FLT1: variants seen among roughly 807,000 people sequenced by gnomAD.
FLT1 encodes vascular endothelial growth factor receptor 1.
In FLT1, 49 loss-of-function variants were observed where a neutral mutation model predicts 156.3. The observed-to-expected ratio is 0.31, with a 90% CI of 0.25 to 0.40. The LOEUF is 0.40. Ranked by LOEUF, FLT1 falls within the 10% of genes least tolerant of loss-of-function variation. The pLI, the probability that FLT1 is intolerant of heterozygous loss-of-function variation, is 1.00. For missense variants in FLT1, 1,322 were observed against 1,637.2 expected (o/e 0.81, Z 3.32); for synonymous variants, 594 against 583.8 (o/e 1.02, Z -0.25).
In FLT1 at chr13:28,426,130, C is replaced by CTTTTTTTTT. The variant is rs113958200; in HGVS notation, c.1436+1020_1436+1028dup. 1.8e-4 allele frequency among the ~76,000 whole-genome samples: 24 copies of CTTTTTTTTT among 131,122 alleles called. 1 individual carries two copies. The highest frequency in any genetic ancestry group is 6.2e-4 in the African/African-American group (22 of 35,454). 86.0% of individuals were successfully genotyped at this position (131,122 alleles called of 152,430 possible). On this transcript the variant is annotated intron_variant, in intron 10 of 29. Transcript: ENST00000282397. ...TGCTTTGTTTACTTTTCCTGTCAATCTTTTTTTTTTTTTTTTTTTGAATAA... is the reference window on the plus strand; with the variant it reads ...TGCTTTGTTTACTTTTCCTGTCAATCTTTTTTTTTTTTTTTTTTTTTTTTTTTTGAATAA...
At chr13:28,465,094 A>T (rs1322080251) in intron 3 of FLT1, among the ~76,000 whole-genome samples, 1 of 152,182 alleles carries the variant, frequency 6.6e-6, no homozygotes, top group Non-Finnish European at 1.5e-5. Context: ...TTCCACCACT[A>T]TCAAGCGTGT....
chr13:28,425,488 G>A lies in FLT1; in HGVS notation c.1436+1671C>T, dbSNP rs147258354. Among the ~76,000 whole-genome samples the A allele has an allele frequency of 5.0e-3, 753 of 151,982 alleles. 3 individuals carry two copies. Among genetic ancestry groups the A allele is most frequent in the Non-Finnish European group, 8.1e-3 (551 of 67,976 alleles). On this transcript the variant is annotated intron_variant, in intron 10 of 29. Coordinates refer to ENST00000282397, the MANE Select transcript of FLT1 (RefSeq NM_002019.4). ...TAATGTTTACAAAGTTCCATTCGAGGTGGCCTCATTCCCCAAACCATATTT... is the reference window on the plus strand; with the variant it reads ...TAATGTTTACAAAGTTCCATTCGAGATGGCCTCATTCCCCAAACCATATTT...
At chr13:28,313,198 C>T (rs988255349) in intron 25 of FLT1, among the ~76,000 whole-genome samples, 6 of 152,056 alleles carry the variant, frequency 3.9e-5, no homozygotes, top group African/African-American at 7.2e-5. Flanking sequence ...AGGCTGGTCT[C>T]GAACTCCTGG....
intron 14 of FLT1, chr13:28,368,540 T>A: frequency 2.0e-6 from 3 of 1,535,728 alleles, no homozygotes; most frequent in South Asian, 1.2e-5. Context: ...AAATGGTAGC[T>A]ATGATGATGA....
intron 14 of FLT1, among the ~76,000 whole-genome samples, chr13:28,377,775 T>C (rs918062139): frequency 2.0e-5 from 3 of 152,254 alleles, no homozygotes; most frequent in African/African-American, 7.2e-5. Flanking sequence ...TTTTAAACTT[T>C]ATACATGTCT....
At chr13:28,357,817 G>C in intron 14 of FLT1, 132 bp from the exon 15 acceptor site, 1 of 783,620 alleles carries the variant, frequency 1.3e-6, no homozygotes. Flanking sequence ...ACCTGGGGCA[G>C]GGTTGCTTAT....
chr13:28,307,146 T>C (rs1278060048), intron 28 of FLT1, among the ~76,000 whole-genome samples: 1 of 152,234 alleles, frequency 6.6e-6, no homozygotes, highest in East Asian at 1.9e-4. Context: ...GTGGTGGCCA[T>C]CATAGACACA....
At chr13:28,441,213 A>G (rs1878317312) in intron 3 of FLT1, among the ~76,000 whole-genome samples, 1 of 152,188 alleles carries the variant, frequency 6.6e-6, no homozygotes, top group African/African-American at 2.4e-5. Flanking sequence ...CACAAACACA[A>G]CTTCAGTAAA....
At chr13:28,493,848 G>A (rs1881596562) in intron 1 of FLT1, among the ~76,000 whole-genome samples, 1 of 152,260 alleles carries the variant, frequency 6.6e-6, no homozygotes, top group Non-Finnish European at 1.5e-5. Flanking sequence ...CCCAGCGAAG[G>A]CTGACTTAGG....
chr13:28,332,630 T>A (rs1023580866), intron 18 of FLT1, among the ~76,000 whole-genome samples: 1 of 152,188 alleles, frequency 6.6e-6, no homozygotes, highest in African/African-American at 2.4e-5. Flanking sequence ...GAGCACTGCA[T>A]TCAAAGCTGG....
At chr13:28,377,197 T>C (rs965416648) in intron 14 of FLT1, among the ~76,000 whole-genome samples, 1 of 152,180 alleles carries the variant, frequency 6.6e-6, no homozygotes, top group African/African-American at 2.4e-5. Context: ...CTTTCAACAC[T>C]TTGCACCACA....
intron 17 of FLT1, among the ~76,000 whole-genome samples, chr13:28,338,911 T>C (rs1049373514): frequency 6.6e-6 from 1 of 152,220 alleles, no homozygotes; most frequent in African/African-American, 2.4e-5. Flanking sequence ...CTCCAGGGCT[T>C]AGACCAGTGT....
At position 28,433,986 on chromosome 13, in the gene FLT1, T is replaced by C. The variant is rs540390178; in HGVS notation, c.677-31A>G. The C allele has an allele frequency of 8.2e-5, 132 of 1,614,038 alleles. 1 individual carries two copies. The South Asian group carries it at 1.4e-3, about 17-fold the overall frequency. On this transcript the variant is annotated intron_variant, in intron 5 of 29. Transcript: ENST00000282397. Reference sequence around the variant, plus strand: ...AGCATAAGAGAGAAATTTTTTAAAATTAAGATTTCATTACACAGATAAAAA... The same window carrying C: ...AGCATAAGAGAGAAATTTTTTAAAACTAAGATTTCATTACACAGATAAAAA...
chr13:28,449,499 TCG>T (rs1464600395), intron 3 of FLT1, among the ~76,000 whole-genome samples: 1 of 152,134 alleles, frequency 6.6e-6, no homozygotes, highest in Non-Finnish European at 1.5e-5. Context: ...ATAACAACTG[TCG>T]CCACTATTGG....
intron 10 of FLT1, among the ~76,000 whole-genome samples, chr13:28,409,661 T>G (rs1173961460): frequency 6.6e-6 from 1 of 152,152 alleles, no homozygotes; most frequent in Non-Finnish European, 1.5e-5. Flanking sequence ...CAGTATTGAC[T>G]GCTGGCAGAA....
chr13:28,331,645 C>T (rs1442613001), intron 18 of FLT1, among the ~76,000 whole-genome samples: 3 of 152,204 alleles, frequency 2.0e-5, no homozygotes, highest in Middle Eastern at 3.4e-3. Context: ...TTGGCCAGGC[C>T]GGTCTCGAAC....
intron 14 of FLT1, among the ~76,000 whole-genome samples, chr13:28,384,448 CAAAAAAA>C (rs79860949): frequency 5.0e-5 from 3 of 60,308 alleles, no homozygotes; most frequent in African/African-American, 1.1e-4. Context: ...GACTCCATCT[CAAAAAAA>C]AAAAAAAAAA....
chr13:28,316,581 GA>G (rs1871214660), intron 25 of FLT1, among the ~76,000 whole-genome samples: 1 of 151,810 alleles, frequency 6.6e-6, no homozygotes, highest in Non-Finnish European at 1.5e-5. Flanking sequence ...ATGGACACCC[GA>G]AAAGCCATCT....
intron 28 of FLT1, 119 bp downstream of exon 28, chr13:28,308,724 A>T (rs1566278078): frequency 4.1e-6 from 3 of 737,386 alleles, no homozygotes; most frequent in Non-Finnish European, 7.5e-6. Context: ...CATTTCAGCC[A>T]CTCCTGAATC....
Sources: allele counts gnomAD v4.1 joint callset (sites outside exome capture counted in the v4.1 genomes callset), GRCh38; gene constraint gnomAD v4.1.1; transcripts MANE v1.5; gene names NCBI Gene and HGNC (gene_info 2026-07-23, HGNC 2026-07-21).